Variants in CCDC144A observed in about 807,000 individuals in gnomAD.
The protein encoded by CCDC144A is coiled-coil domain containing 144A.
In CCDC144A, 41 loss-of-function variants were observed where a neutral mutation model predicts 143.8. The ratio of observed to expected loss-of-function variants is 0.29; its 90% CI spans 0.22 to 0.37. The LOEUF (loss-of-function observed/expected upper bound fraction) is 0.37. CCDC144A is among the 10% of genes least tolerant of loss of function. The probability of loss-of-function intolerance (pLI) is 1.00; values close to 1 mark genes in which losing one functional copy is unlikely to be tolerated. For missense variants in CCDC144A, 637 were observed against 1,488.8 expected, an observed-to-expected ratio of 0.43 and a Z score of 9.41; for synonymous variants, 242 against 517.9, an observed-to-expected ratio of 0.47 and a Z score of 7.23.
the CCDC144A span, among the ~76,000 whole-genome samples, chr17:16,683,017 TC>T: frequency 1.4e-5 from 2 of 146,692 alleles, no homozygotes; most frequent in African/African-American, 5.0e-5. Context: ...TTCTCCAGCC[TC>T]CTGCTTCTAC....
At chr17:16,678,523 TA>T in the CCDC144A span, among the ~76,000 whole-genome samples, 1 of 151,940 alleles carries the variant, frequency 6.6e-6, no homozygotes. Flanking sequence ...AGACCTCAGA[TA>T]AGGGGGAAAC....
At chr17:16,719,179 A>G (rs1912945949) in intron 6 of CCDC144A, among the ~76,000 whole-genome samples, 1 of 151,848 alleles carries the variant, frequency 6.6e-6, no homozygotes, top group Non-Finnish European at 1.5e-5. Flanking sequence ...ACAATGGATT[A>G]TAAAGTTCTG....
At chr17:16,674,787 G>C in the CCDC144A span, among the ~76,000 whole-genome samples, 6 of 151,964 alleles carry the variant, frequency 3.9e-5, no homozygotes, top group Admixed American at 1.3e-4. Context: ...CCCCACAAAG[G>C]TCAAGTAGGA....
chr17:16,716,805 T>G (rs1212962061), intron 6 of CCDC144A, among the ~76,000 whole-genome samples: 1 of 151,098 alleles, frequency 6.6e-6, no homozygotes, highest in African/African-American at 2.4e-5. Context: ...TGCAGTGGAT[T>G]CCAGCTGTTT....
At chr17:16,717,047 C>G (rs1478799138) in intron 6 of CCDC144A, among the ~76,000 whole-genome samples, 4 of 151,422 alleles carry the variant, frequency 2.6e-5, no homozygotes, top group Non-Finnish European at 4.4e-5. Flanking sequence ...ATGATCCGCC[C>G]GCCTCGGCCT....
Position 16,690,282 on chromosome 17 carries a change from C to T in CCDC144A, c.-119C>T, listed in dbSNP as rs1910966928. The T allele has an allele frequency of 3.4e-5, 24 of 704,314 alleles. 2 individuals carry two copies. The South Asian group carries it at 5.2e-4, about 15-fold the overall frequency. The allele number at this position is 704,314 out of a possible 1,614,324, so 43.6% of individuals were successfully genotyped here. ...TGTTGGCTTGGCGGTGGTCGCTTGGCTTGGCGTGGCAGTGATCGCTTGGCT... is the reference window on the plus strand; with the variant it reads ...TGTTGGCTTGGCGGTGGTCGCTTGGTTTGGCGTGGCAGTGATCGCTTGGCT... On this transcript the variant is annotated 5_prime_UTR_variant, in exon 1 of 17. Transcript: ENST00000399273.
intron 6 of CCDC144A, among the ~76,000 whole-genome samples, chr17:16,715,021 G>T (rs563699436): frequency 6.6e-6 from 1 of 152,116 alleles, no homozygotes; most frequent in Non-Finnish European, 1.5e-5. Context: ...TTACTTAAAA[G>T]CCCCTTTCTC....
intron 3 of CCDC144A, chr17:16,706,272 C>A (rs2936626): frequency 6.8e-6 from 1 of 146,092 alleles, no homozygotes; most frequent in East Asian, 2.0e-4. Context: ...TAAATGTGTT[C>A]GCTAGGGATG....
the CCDC144A span, among the ~76,000 whole-genome samples, chr17:16,674,666 G>T: frequency 6.6e-6 from 1 of 151,980 alleles, no homozygotes. Context: ...CAGTAGCAAA[G>T]CCACTCTGTA....
intron 12 of CCDC144A, among the ~76,000 whole-genome samples, chr17:16,753,758 T>C (rs868585249): frequency 1.3e-5 from 2 of 150,098 alleles, no homozygotes; most frequent in African/African-American, 5.1e-5. Context: ...TGGATCCCCT[T>C]TATTTCTCTG....
intron 8 of CCDC144A, among the ~76,000 whole-genome samples, 162 bp from the exon 9 acceptor site, chr17:16,727,363 GTC>G (rs1406943776): frequency 8.9e-6 from 1 of 112,846 alleles, no homozygotes; most frequent in Non-Finnish European, 1.7e-5. Context: ...GAGAGTAGAG[GTC>G]TTATCTGTTT....
At chr17:16,771,046 C>G in intron 15 of CCDC144A, among the ~76,000 whole-genome samples, 1 of 152,154 alleles carries the variant, frequency 6.6e-6, no homozygotes, top group South Asian at 2.1e-4. Context: ...ATATCATTAT[C>G]TTTATCACCA....
chr17:16,668,507 G>A, the CCDC144A span, among the ~76,000 whole-genome samples: 1 of 152,128 alleles, frequency 6.6e-6, no homozygotes, highest in South Asian at 2.1e-4. Flanking sequence ...TTTATACTAT[G>A]TGCTTGGACA....
At chr17:16,747,820 T>C (rs540472543) in intron 12 of CCDC144A, among the ~76,000 whole-genome samples, 4 of 152,152 alleles carry the variant, frequency 2.6e-5, no homozygotes, top group East Asian at 1.9e-4. Context: ...CCAGGATAAA[T>C]TGGCAAACTC....
chr17:16,682,582 T>C, the CCDC144A span, among the ~76,000 whole-genome samples: 1 of 151,624 alleles, frequency 6.6e-6, no homozygotes, highest in Non-Finnish European at 1.5e-5. Flanking sequence ...ATTTAAAAAA[T>C]AGTAAAGGTG....
intron 14 of CCDC144A, among the ~76,000 whole-genome samples, chr17:16,763,354 C>T (rs1246509493): frequency 1.3e-5 from 2 of 150,970 alleles, no homozygotes; most frequent in Non-Finnish European, 2.9e-5. Flanking sequence ...CAAGTTTTTC[C>T]AGATAATGGG....
At chr17:16,681,997 T>G in the CCDC144A span, among the ~76,000 whole-genome samples, 1 of 152,034 alleles carries the variant, frequency 6.6e-6, no homozygotes, top group Non-Finnish European at 1.5e-5. Context: ...AGCCTATAAT[T>G]TTGAGGGTGC....
At chr17:16,749,477 A>G (rs1355289157) in intron 12 of CCDC144A, among the ~76,000 whole-genome samples, 9 of 152,154 alleles carry the variant, frequency 5.9e-5, no homozygotes, top group Non-Finnish European at 1.2e-4. Flanking sequence ...TCATTTTTTA[A>G]AAATTTATCA....
chr17:16,773,721 A>G lies in CCDC144A; in HGVS notation c.*88A>G, dbSNP rs1385218700. ...GTGAACATTTTTACTAAAGGGAAAT[A>G]TTCTATATTATACATGTCTGATGAA... is the stretch of plus-strand genomic sequence containing the variant. On this transcript the variant is annotated 3_prime_UTR_variant, in exon 17 of 17. Transcript: ENST00000399273. The G allele has an allele frequency of 1.3e-4, 180 of 1,338,822 alleles. No homozygotes were observed. The highest frequency in any genetic ancestry group is 1.7e-4 in the Non-Finnish European group (175 of 1,008,718). The allele number at this position is 1,338,822 out of a possible 1,614,324, so 82.9% of individuals were successfully genotyped here. A position where few individuals can be genotyped will look rare whatever the true frequency, so the allele number is the denominator to read the frequency against.
Sources: allele counts gnomAD v4.1 joint callset (sites outside exome capture counted in the v4.1 genomes callset), GRCh38; gene constraint gnomAD v4.1.1; transcripts MANE v1.5; gene names NCBI Gene and HGNC (gene_info 2026-07-23, HGNC 2026-07-21).